The following CYP2S1 variants were observed in gnomAD, a reference collection of about 807,000 sequenced individuals.
The protein encoded by CYP2S1 is cytochrome P450 family 2 subfamily S member 1.
CYP2S1 carries 32 observed loss-of-function variants against 43.5 expected under a neutral mutation model. The observed-to-expected ratio is 0.74, with a 90% confidence interval of 0.56 to 0.99. The LOEUF is 0.99. Ranked by LOEUF, CYP2S1 falls within the 50% of genes least tolerant of loss-of-function variation. The pLI is 0.00. For missense variants in CYP2S1, 575 were observed against 673.9 expected (o/e 0.85, Z 1.62); for synonymous variants, 283 against 302.9 (o/e 0.93, Z 0.68).
At chr19:41,193,612 G>T in intron 1 of CYP2S1, 171 bp downstream of exon 1, 1 of 1,272,712 alleles carries the variant, frequency 7.9e-7, no homozygotes, top group Non-Finnish European at 1.0e-6. Flanking sequence ...AGGTTGTCCA[G>T]GGCTGAGAAG....
rs761857642 is a variant in CYP2S1 at position 41,198,631 on chromosome 19, G to A, written c.654+9G>A. The A allele has an allele frequency of 4.3e-6, 7 of 1,613,964 alleles. No homozygotes were observed. In the East Asian group the frequency reaches 1.3e-4, roughly 31 times the overall value. On this transcript the variant is annotated intron_variant, in intron 4 of 8. Transcript: ENST00000310054. This position sits in a 1 kb window ranked among gnomAD's most constrained non-coding sequence, Gnocchi z 4.9. ...GCTCCCAGGGGGGTCAGGTGAGTGG[G>A]TGGGACCCCTCTCCAACTACCTTCC...
chr19:41,197,949 C>A, intron 3 of CYP2S1, 21 bp downstream of exon 3: 1 of 1,596,130 alleles, frequency 6.3e-7, no homozygotes, highest in Non-Finnish European at 8.5e-7. Flanking sequence ...CGGGGTCACC[C>A]CAGGGTCTCC....
At chr19:41,199,497 CG>C (rs1395333025) in intron 5 of CYP2S1, among the ~76,000 whole-genome samples, 12 of 151,822 alleles carry the variant, frequency 7.9e-5, no homozygotes, top group Non-Finnish European at 1.3e-4. Context: ...CCTCCTGCCT[CG>C]GGCTCCTGAG....
intron 7 of CYP2S1, among the ~76,000 whole-genome samples, chr19:41,205,424 C>CTTTCTT (rs2033560267): frequency 2.9e-5 from 1 of 34,976 alleles, no homozygotes; most frequent in African/African-American, 6.0e-4. Context: ...TTCTTTCTCT[C>CTTTCTT]TCTCTCTCTT....
chr19:41,198,980 CCTCTCTCTTT>C lies in CYP2S1; in HGVS notation c.834+101_834+110del, dbSNP rs146561878. The C allele has an allele frequency of 3.9e-3, 5,677 of 1,453,410 alleles. 178 individuals carry two copies. In the African/African-American group the frequency reaches 0.072, roughly 18 times the overall value. 90.0% of individuals were successfully genotyped at this position (1,453,410 alleles called of 1,614,324 possible). A position where few individuals can be genotyped will look rare whatever the true frequency, so the allele number is the denominator to read the frequency against. On this transcript the variant is annotated intron_variant, in intron 5 of 8. Transcript: ENST00000310054. The surrounding 1 kb of genome is among the most constrained non-coding windows in gnomAD (Gnocchi z 4.9). The stretch of plus-strand genomic sequence containing the variant: ...TGTCCCTGGGGACCTCAATTGGGTT[CCTCTCTCTTT>C]CTCTCTCTGCATGTCTCTGTGAGTA...
Position 41,193,412 on chromosome 19 carries a change from C to A in CYP2S1, c.148C>A (p.Pro50Thr). 2.0e-6 allele frequency: 3 copies of A among 1,502,754 alleles called. No individual in the cohort carries two copies. The highest frequency in any genetic ancestry group is 2.7e-6 in the Non-Finnish European group (3 of 1,123,966). The allele number at this position is 1,502,754 out of a possible 1,614,324, so 93.1% of individuals were successfully genotyped here. ...GCTGGGAAACCTCCTGCAGCTACGG[C>A]CCGGGGCGCTGTATTCAGGGCTCAT... ...PLLGNLLQLR[P>T]GALYSGLMRL... Residue 50 changes from proline to threonine, a missense_variant, in exon 1 of 9, where the codon CCC becomes ACC. By Grantham distance (38) the Pro-to-Thr change is conservative. Around this residue, in one of 2 missense-constraint regions of CYP2S1, gnomAD observed 353 missense variants for 367.6 expected, o/e 0.96. Transcript: ENST00000310054.
At chr19:41,199,166 C>A (rs1263234048) in intron 5 of CYP2S1, among the ~76,000 whole-genome samples, 1 of 152,098 alleles carries the variant, frequency 6.6e-6, no homozygotes, top group African/African-American at 2.4e-5. Context: ...CTCCCTCCCA[C>A]CTCGGCCCTT....
Position 41,198,646 on chromosome 19 carries a change from A to C in CYP2S1, c.654+24A>C. The stretch of plus-strand genomic sequence containing the variant: ...AGGTGAGTGGGTGGGACCCCTCTCC[A>C]ACTACCTTCCCTGAAGGTTCCTGCC... On this transcript the variant is annotated intron_variant, in intron 4 of 8. Coordinates refer to ENST00000310054, the MANE Select transcript of CYP2S1 (RefSeq NM_030622.8). This position sits in a 1 kb window ranked among gnomAD's most constrained non-coding sequence, Gnocchi z 4.9. 2 of 1,613,646 alleles carry C rather than the reference A, an allele frequency of 1.2e-6. No individual in the cohort carries two copies. The highest frequency in any genetic ancestry group is 2.7e-5 in the African/African-American group (2 of 74,980).
At chr19:41,203,862 T>C (rs2122166541) in intron 7 of CYP2S1, among the ~76,000 whole-genome samples, 1 of 151,738 alleles carries the variant, frequency 6.6e-6, no homozygotes, top group African/African-American at 2.4e-5. Flanking sequence ...TTTCTGCATA[T>C]ATTTTTTTTC....
intron 5 of CYP2S1, among the ~76,000 whole-genome samples, chr19:41,199,196 AG>A (rs1444440336): frequency 2.6e-5 from 4 of 151,996 alleles, no homozygotes; most frequent in Non-Finnish European, 5.9e-5. Context: ...CCCCATGCCC[AG>A]GGTCCTACAC....
At position 41,198,035 on chromosome 19, in the gene CYP2S1, G is replaced by T; in HGVS notation, c.493+107G>T. 1 of 1,439,474 alleles carries T rather than the reference G, an allele frequency of 6.9e-7. No homozygotes were observed. The highest frequency in any genetic ancestry group is 9.2e-7 in the Non-Finnish European group (1 of 1,090,140). The allele number at this position is 1,439,474 out of a possible 1,614,324, so 89.2% of individuals were successfully genotyped here. ...CCAGGTCCTGGAATGGGCAGGAGGG[G>T]AAGCCTTGAACTCTAGGGCTGGCCT... is the stretch of plus-strand genomic sequence containing the variant. On this transcript the variant is annotated intron_variant, in intron 3 of 8. Coordinates refer to ENST00000310054, the MANE Select transcript of CYP2S1 (RefSeq NM_030622.8). This position sits in a 1 kb window ranked among gnomAD's most constrained non-coding sequence, Gnocchi z 4.9.
intron 5 of CYP2S1, 48 bp from the exon 6 acceptor site, chr19:41,201,183 C>G: frequency 6.3e-7 from 1 of 1,595,294 alleles, no homozygotes; most frequent in South Asian, 1.1e-5. Flanking sequence ...TGGACATTTA[C>G]TTCCCAAAGG....
At chr19:41,194,814 G>C in intron 2 of CYP2S1, 105 bp downstream of exon 2, 1 of 1,465,018 alleles carries the variant, frequency 6.8e-7, no homozygotes, top group African/African-American at 1.5e-5. Flanking sequence ...CTGTCAAATG[G>C]AGTGATAACA....
intron 2 of CYP2S1, among the ~76,000 whole-genome samples, chr19:41,196,214 C>G (rs2033411266): frequency 6.6e-6 from 1 of 152,080 alleles, no homozygotes; most frequent in Non-Finnish European, 1.5e-5. Context: ...GCAGAGGGAA[C>G]TGCAGGATCA....
chr19:41,198,536 C>A lies in CYP2S1; in HGVS notation c.568C>A (p.Arg190Ser). Residue 190 changes from arginine (R) to serine (S), a missense_variant, in exon 4 of 9, where the codon CGC becomes AGC. Coordinates refer to ENST00000310054, the MANE Select transcript of CYP2S1 (RefSeq NM_030622.8). This position sits in a 1 kb window ranked among gnomAD's most constrained non-coding sequence, Gnocchi z 4.9. ...NVVCSLLFGL[R>S]FSYEDKEFQA... Reference sequence around the variant, plus strand: ...AGTCTGCTCCCTCCTCTTTGGCCTCCGCTTCTCCTATGAGGATAAGGAGTT... The same window carrying A: ...AGTCTGCTCCCTCCTCTTTGGCCTCAGCTTCTCCTATGAGGATAAGGAGTT... The A allele has an allele frequency of 6.2e-7, 1 of 1,614,186 alleles. No homozygotes were observed. Among genetic ancestry groups the A allele is most frequent in the Non-Finnish European group, 8.5e-7 (1 of 1,180,030 alleles).
Position 41,206,868 on chromosome 19 carries a change from TCACACGCC to T in CYP2S1, c.*382_*389del, listed in dbSNP as rs2122173414. ...AGAAACGGCCACACATGTTCACAGC[TCACACGCC>T]CTCTCCATTCATCGAACTTCTCAGT... is the stretch of plus-strand genomic sequence containing the variant. On this transcript the variant is annotated 3_prime_UTR_variant, in exon 9 of 9. Coordinates refer to ENST00000310054, the MANE Select transcript of CYP2S1 (RefSeq NM_030622.8). The T allele has an allele frequency of 2.2e-6, 1 of 452,686 alleles. No individual in the cohort carries two copies. The highest frequency in any genetic ancestry group is 2.0e-5 in the African/African-American group (1 of 50,570). The allele number at this position is 452,686 out of a possible 1,614,324, so 28.0% of individuals were successfully genotyped here.
At chr19:41,200,547 T>G (rs1218407587) in intron 5 of CYP2S1, among the ~76,000 whole-genome samples, 2 of 152,082 alleles carry the variant, frequency 1.3e-5, no homozygotes, top group Non-Finnish European at 2.9e-5. Flanking sequence ...TAATTTTTTG[T>G]ATTTTTAGTA....
At chr19:41,204,592 C>CTTTTTT (rs553640679) in intron 7 of CYP2S1, among the ~76,000 whole-genome samples, 3 of 109,038 alleles carry the variant, frequency 2.8e-5, no homozygotes, top group African/African-American at 3.9e-5. Context: ...TCTTCTTCTT[C>CTTTTTT]TTTTTTTTTT....
At chr19:41,193,526 G>A (rs2033369634) in intron 1 of CYP2S1, 85 bp downstream of exon 1, 1 of 1,372,342 alleles carries the variant, frequency 7.3e-7, no homozygotes, top group Non-Finnish European at 9.4e-7. Context: ...GGCTTTTCGG[G>A]TATCCTAGGG....
Sources: allele counts gnomAD v4.1 joint callset (sites outside exome capture counted in the v4.1 genomes callset), GRCh38; gene constraint gnomAD v4.1.1; regional missense constraint gnomAD v4.1.1; non-coding constraint Gnocchi (gnomAD v3.1); transcripts MANE v1.5; gene names NCBI Gene and HGNC (gene_info 2026-07-23, HGNC 2026-07-21).